ATP8B4: variants seen among roughly 807,000 people sequenced by gnomAD.
ATP8B4 encodes the protein probable phospholipid-transporting ATPase IM.
In ATP8B4, 133 loss-of-function variants were observed where a neutral mutation model predicts 145.6. The ratio of observed to expected loss-of-function variants is 0.91; its 90% CI spans 0.79 to 1.05. ATP8B4 has a LOEUF of 1.05. ATP8B4 is among the 50% of genes least tolerant of loss of function. The pLI is 0.00. For synonymous variants in ATP8B4, 507 were observed against 492.9 expected, an observed-to-expected ratio of 1.03 and a Z score of -0.38; for missense variants, 1,458 against 1,425.2, an observed-to-expected ratio of 1.02 and a Z score of -0.37.
At chr15:50,115,523 T>C (rs1296401204) in intron 1 of ATP8B4, among the ~76,000 whole-genome samples, 1 of 151,446 alleles carries the variant, frequency 6.6e-6, no homozygotes, top group Non-Finnish European at 1.5e-5. Flanking sequence ...GCTTGCTAAA[T>C]AAAACAAGGT....
At chr15:50,012,471 C>G (rs534233428) in intron 6 of ATP8B4, among the ~76,000 whole-genome samples, 1 of 152,260 alleles carries the variant, frequency 6.6e-6, no homozygotes, top group East Asian at 1.9e-4. Flanking sequence ...ATACAAGAAA[C>G]AGTAGGCAGT....
At chr15:49,893,863 C>T (rs556098731) in intron 23 of ATP8B4, among the ~76,000 whole-genome samples, 5 of 152,146 alleles carry the variant, frequency 3.3e-5, no homozygotes, top group Non-Finnish European at 7.3e-5. Flanking sequence ...ATTGTAACTA[C>T]TGAGCTAATA....
chr15:49,925,074 T>G (rs2153459003), intron 16 of ATP8B4, among the ~76,000 whole-genome samples: 1 of 152,272 alleles, frequency 6.6e-6, no homozygotes, highest in East Asian at 1.9e-4. Flanking sequence ...AATTTTTCAA[T>G]GCTGAGTGAG....
chr15:50,163,115 G>A (rs182850523), intron 1 of ATP8B4, among the ~76,000 whole-genome samples: 22 of 152,202 alleles, frequency 1.4e-4, no homozygotes, highest in South Asian at 6.2e-4. Context: ...CTCCAGGGTC[G>A]GTCACTAGTG....
intron 3 of ATP8B4, 64 bp downstream of exon 3, chr15:50,074,063 T>C (rs1567308900): frequency 3.6e-6 from 5 of 1,396,262 alleles, no homozygotes; most frequent in Non-Finnish European, 5.0e-6. Context: ...CTAGAAGACA[T>C]GCATCCCACT....
chr15:49,923,194 A>G (rs1014902900), intron 17 of ATP8B4, among the ~76,000 whole-genome samples, 185 bp downstream of exon 17: 7 of 152,176 alleles, frequency 4.6e-5, no homozygotes, highest in Non-Finnish European at 7.4e-5. Context: ...CCAACGGGGC[A>G]GAAAGGGGGG....
At chr15:50,110,620 C>T (rs1288765103) in intron 1 of ATP8B4, among the ~76,000 whole-genome samples, 2 of 152,146 alleles carry the variant, frequency 1.3e-5, no homozygotes, top group Non-Finnish European at 2.9e-5. Context: ...CTGAAGCAAA[C>T]AATATTTACA....
intron 1 of ATP8B4, among the ~76,000 whole-genome samples, chr15:50,143,359 G>A (rs1035786250): frequency 6.6e-6 from 1 of 152,204 alleles, no homozygotes; most frequent in Non-Finnish European, 1.5e-5. Flanking sequence ...TTTCTGAATG[G>A]CTCACTCACA....
intron 23 of ATP8B4, chr15:49,896,457 C>T (rs2153427490): frequency 6.6e-6 from 1 of 152,290 alleles, no homozygotes; most frequent in East Asian, 1.9e-4. Context: ...TTAAAAATCA[C>T]CTTCATGCAT....
At chr15:49,884,545 T>C (rs554747351) in intron 23 of ATP8B4, among the ~76,000 whole-genome samples, 2 of 138,956 alleles carry the variant, frequency 1.4e-5, no homozygotes, top group Admixed American at 8.2e-5. Flanking sequence ...GAGGCTGCAG[T>C]GAGCCGAGAT....
intron 1 of ATP8B4, among the ~76,000 whole-genome samples, chr15:50,165,970 A>AACAC (rs149302745): frequency 0.045 from 6,684 of 146,960 alleles, 203 homozygotes; most frequent in African/African-American, 0.077. Flanking sequence ...AATCCCAGAG[A>AACAC]ACACACACAC....
intron 3 of ATP8B4, among the ~76,000 whole-genome samples, chr15:50,052,939 T>C (rs1260596101): frequency 6.6e-6 from 1 of 152,270 alleles, no homozygotes; most frequent in African/African-American, 2.4e-5. Context: ...AAGAAGTAAC[T>C]TGAGATTTTT....
rs1401930109 is a variant in ATP8B4 at position 49,920,315 on chromosome 15, C to T, written c.1854G>A (p.Ala618=). 8.1e-6 allele frequency: 13 copies of T among 1,614,048 alleles called. No homozygotes were observed. Among genetic ancestry groups the T allele is most frequent in the Admixed American group, 5.0e-5 (3 of 59,996 alleles). ...FKEWHKMLED[A]NAATEERDER... ...CATCCCTCTCTTCTGTGGCAGCATTCGCATCTTCAAGCATCTTATGCCACT... is the reference window on the plus strand; with the variant it reads ...CATCCCTCTCTTCTGTGGCAGCATTTGCATCTTCAAGCATCTTATGCCACT... The change falls in exon 18 of 28, where the codon GCG becomes GCA. Residue 618 remains alanine, a synonymous_variant. Coordinates refer to ENST00000284509, the MANE Select transcript of ATP8B4 (RefSeq NM_024837.4).
intron 24 of ATP8B4, among the ~76,000 whole-genome samples, chr15:49,877,274 A>G (rs2034599534): frequency 2.6e-5 from 4 of 152,218 alleles, no homozygotes; most frequent in Admixed American, 2.6e-4. Context: ...TGAGGGCCCA[A>G]GACTGCATTT....
At chr15:50,041,113 C>T (rs2051247613) in intron 5 of ATP8B4, among the ~76,000 whole-genome samples, 1 of 152,158 alleles carries the variant, frequency 6.6e-6, no homozygotes, top group African/African-American at 2.4e-5. Context: ...CCATTTATTC[C>T]TCTATGAAGT....
chr15:49,863,583 T>C (rs1297076603), intron 26 of ATP8B4, among the ~76,000 whole-genome samples: 1 of 152,190 alleles, frequency 6.6e-6, no homozygotes, highest in Non-Finnish European at 1.5e-5. Context: ...GCGCTTTGGG[T>C]ATGAGGGCTT....
At chr15:49,885,460 C>T (rs2036072784) in intron 23 of ATP8B4, among the ~76,000 whole-genome samples, 1 of 152,202 alleles carries the variant, frequency 6.6e-6, no homozygotes, top group African/African-American at 2.4e-5. Context: ...CAGAAATTTA[C>T]TCACAACTAT....
intron 26 of ATP8B4, among the ~76,000 whole-genome samples, chr15:49,866,015 TTCTC>T: frequency 6.6e-6 from 1 of 152,378 alleles, no homozygotes; most frequent in East Asian, 1.9e-4. Context: ...TTTCTTTTTC[TTCTC>T]TCTACCATAT....
At chr15:50,036,963 C>T (rs1010341577) in intron 6 of ATP8B4, among the ~76,000 whole-genome samples, 12 of 152,080 alleles carry the variant, frequency 7.9e-5, no homozygotes, top group African/African-American at 2.9e-4. Context: ...TAACAAAAAG[C>T]TAAATAAAAC....
Sources: gnomAD v4.1 joint callset for allele counts (sites outside exome capture counted in the v4.1 genomes callset) on GRCh38, gnomAD v4.1.1 for gene constraint, MANE v1.5 for transcripts, NCBI Gene and HGNC (gene_info 2026-07-23, HGNC 2026-07-21) for gene names.